RHOA: variants seen among roughly 807,000 people sequenced by gnomAD.
RHOA encodes the protein ras homolog family member A.
A neutral mutation model predicts 17.5 loss-of-function variants in RHOA; 3 were observed. The ratio of observed to expected loss-of-function variants is 0.17; its 90% CI spans 0.08 to 0.44. The LOEUF (loss-of-function observed/expected upper bound fraction) is 0.44. RHOA is among the 20% of genes least tolerant of loss of function. The pLI is 0.99. For missense variants in RHOA, 56 were observed against 242.3 expected (o/e 0.23, Z 5.10); for synonymous variants, 98 against 88.4 (o/e 1.11, Z -0.61).
intron 1 of RHOA, among the ~76,000 whole-genome samples, chr3:49,404,611 CAAAAAAAAAA>C (rs71080508): frequency 4.0e-3 from 134 of 33,186 alleles, no homozygotes; most frequent in African/African-American, 0.018. Flanking sequence ...GACTCCGTCT[CAAAAAAAAAA>C]AAAAAAAAAA....
chr3:49,403,205 G>A (rs150918151), intron 1 of RHOA, among the ~76,000 whole-genome samples: 2 of 152,240 alleles, frequency 1.3e-5, no homozygotes, highest in South Asian at 2.1e-4. Context: ...GGGTGTGGTG[G>A]CACGCACCTG....
At chr3:49,408,262 G>GTATATGTACACATATATATACA (rs2048872242) in intron 1 of RHOA, among the ~76,000 whole-genome samples, 1 of 80,682 alleles carries the variant, frequency 1.2e-5, no homozygotes, top group African/African-American at 3.8e-5. Flanking sequence ...ATATATATAC[G>GTATATGTACACATATATATACA]TATACACGTA....
At chr3:49,367,707 G>C (rs540295166) in intron 3 of RHOA, among the ~76,000 whole-genome samples, 10 of 151,754 alleles carry the variant, frequency 6.6e-5, no homozygotes, top group African/African-American at 2.2e-4. Context: ...TTTTAGTAGA[G>C]ACAAGGGGTT....
At position 49,359,927 on chromosome 3, in the gene RHOA, A is replaced by C. The variant is rs1373400719; in HGVS notation, c.*282T>G. 2 of 368,844 alleles carry C rather than the reference A, an allele frequency of 5.4e-6. No homozygotes were observed. The highest frequency in any genetic ancestry group is 9.8e-6 in the Non-Finnish European group (2 of 204,326). 22.8% of individuals were successfully genotyped at this position (368,844 alleles called of 1,614,324 possible). ...GTTACCAACTGTTTCTCTTTCTAGAAAGAAGCAAGAAGTTAAGAAATTCCT... is the reference window on the plus strand; with the variant it reads ...GTTACCAACTGTTTCTCTTTCTAGACAGAAGCAAGAAGTTAAGAAATTCCT... On this transcript the variant is annotated 3_prime_UTR_variant, in exon 5 of 5. Coordinates refer to ENST00000418115, the MANE Select transcript of RHOA (RefSeq NM_001664.4).
rs2047929803 is a variant in RHOA at position 49,359,807 on chromosome 3, A to G, written c.*402T>C. ...GCCAACAAAATCTGTTACGGAGTAA[A>G]GCCCTGAAGTGGTGACTCACCAGAG... On this transcript the variant is annotated 3_prime_UTR_variant, in exon 5 of 5. Transcript: ENST00000418115. 4.2e-6 allele frequency: 1 copy of G among 239,376 alleles called. No homozygotes were observed. Among genetic ancestry groups the G allele is most frequent in the Non-Finnish European group, 8.2e-6 (1 of 121,430 alleles). 14.8% of individuals were successfully genotyped at this position (239,376 alleles called of 1,614,324 possible).
At chr3:49,398,492 A>C (rs2048657068) in intron 1 of RHOA, among the ~76,000 whole-genome samples, 1 of 152,068 alleles carries the variant, frequency 6.6e-6, no homozygotes, top group Non-Finnish European at 1.5e-5. Flanking sequence ...AAGGGTAGGC[A>C]GTAGCATCAA....
chr3:49,367,342 CAAAAA>C lies in RHOA; in HGVS notation c.277+1081_277+1085del, dbSNP rs62926260. On this transcript the variant is annotated intron_variant, in intron 3 of 4. Coordinates refer to ENST00000418115, the MANE Select transcript of RHOA (RefSeq NM_001664.4). The stretch of plus-strand genomic sequence containing the variant: ...TGGGAGACAGAGCAAGACTCCCTCT[CAAAAA>C]AAAAAAAAAAAAAAAAAAAGAATAC... 1.8e-3 allele frequency among the ~76,000 whole-genome samples: 147 copies of C among 80,506 alleles called. 7 individuals carry two copies. In the East Asian group the frequency reaches 0.071, roughly 39 times the overall value. The allele number at this position is 80,506 out of a possible 152,430, so 52.8% of individuals were successfully genotyped here. A position where few individuals can be genotyped will look rare whatever the true frequency, so the allele number is the denominator to read the frequency against.
intron 3 of RHOA, 35 bp from the exon 4 acceptor site, chr3:49,362,661 A>G (rs2047990889): frequency 1.3e-6 from 2 of 1,580,614 alleles, no homozygotes; most frequent in East Asian, 4.5e-5. Flanking sequence ...GGGGATACAT[A>G]CAATTCTATC....
chr3:49,391,574 G>A (rs1043518233), intron 1 of RHOA, among the ~76,000 whole-genome samples: 6 of 151,900 alleles, frequency 3.9e-5, no homozygotes, highest in African/African-American at 7.3e-5. Flanking sequence ...ACAGAGTTTC[G>A]CTCTTGTTGC....
chr3:49,393,930 G>A (rs146042847), intron 1 of RHOA, among the ~76,000 whole-genome samples: 1,705 of 151,110 alleles, frequency 0.011, 30 homozygotes, highest in African/African-American at 0.04. Context: ...GAGTGCTGTG[G>A]CATGATCTCG....
chr3:49,377,153 G>A (rs576278019), intron 1 of RHOA, among the ~76,000 whole-genome samples: 1 of 152,170 alleles, frequency 6.6e-6, no homozygotes, highest in Admixed American at 6.6e-5. Context: ...AATTGAGGCC[G>A]AGCACAGTGG....
At chr3:49,369,552 G>A (rs1438896529) in intron 2 of RHOA, among the ~76,000 whole-genome samples, 6 of 150,138 alleles carry the variant, frequency 4.0e-5, no homozygotes, top group Admixed American at 6.7e-5. Flanking sequence ...GGGCAACATG[G>A]TGAAACCCCG....
At position 49,371,745 on chromosome 3, in the gene RHOA, C is replaced by A. The variant is rs552455209; in HGVS notation, c.157-3197G>T. 3.9e-5 allele frequency among the ~76,000 whole-genome samples: 6 copies of A among 152,254 alleles called. No homozygotes were observed. In the South Asian group the frequency reaches 6.2e-4, roughly 16 times the overall value. On this transcript the variant is annotated intron_variant, in intron 2 of 4. Transcript: ENST00000418115. ...CAAGTGAGAACCTCCCCCTATCTTGCGAGGGTCAGTGATGTCCAAGGTTTG... is the reference window on the plus strand; with the variant it reads ...CAAGTGAGAACCTCCCCCTATCTTGAGAGGGTCAGTGATGTCCAAGGTTTG...
chr3:49,379,095 T>C (rs974387540), intron 1 of RHOA, among the ~76,000 whole-genome samples: 1 of 152,158 alleles, frequency 6.6e-6, no homozygotes, highest in Admixed American at 6.6e-5. Context: ...TGAATATTCA[T>C]AGCAGGATTA....
At chr3:49,384,825 C>T (rs1227202493) in intron 1 of RHOA, among the ~76,000 whole-genome samples, 1 of 152,028 alleles carries the variant, frequency 6.6e-6, no homozygotes, top group Non-Finnish European at 1.5e-5. Context: ...CTTTGGGAGG[C>T]TCAGATGGGC....
At chr3:49,363,145 G>A (rs867100259) in intron 3 of RHOA, among the ~76,000 whole-genome samples, 2 of 152,196 alleles carry the variant, frequency 1.3e-5, no homozygotes, top group South Asian at 4.1e-4. Context: ...TTGGCCGGGA[G>A]CGGTGGCTCA....
intron 1 of RHOA, among the ~76,000 whole-genome samples, chr3:49,383,277 G>C (rs562918445): frequency 2.0e-5 from 3 of 151,500 alleles, no homozygotes; most frequent in Admixed American, 2.0e-4. Flanking sequence ...AAAATTAGCC[G>C]GGCATGGTGG....
intron 4 of RHOA, 40 bp from the exon 5 acceptor site, chr3:49,360,422 T>A (rs916583674): frequency 1.3e-6 from 2 of 1,566,284 alleles, no homozygotes; most frequent in African/African-American, 1.4e-5. Context: ...GCTAATAGTG[T>A]GGCATACATA....
chr3:49,378,385 C>T (rs1379419390), intron 1 of RHOA, among the ~76,000 whole-genome samples: 4 of 151,058 alleles, frequency 2.6e-5, no homozygotes, highest in African/African-American at 9.7e-5. Context: ...CAGCTGGGAC[C>T]ACAGGCATGC....
Sources: allele counts gnomAD v4.1 joint callset (sites outside exome capture counted in the v4.1 genomes callset), GRCh38; gene constraint gnomAD v4.1.1; transcripts MANE v1.5; gene names NCBI Gene and HGNC (gene_info 2026-07-23, HGNC 2026-07-21).